Variants in AK3 observed in about 807,000 individuals in gnomAD.
AK3 encodes adenylate kinase 3, also known as GTP:AMP phosphotransferase AK3, mitochondrial.
In AK3, 27 loss-of-function variants were observed where a neutral mutation model predicts 23.7. The observed-to-expected ratio is 1.14, with a 90% confidence interval of 0.84 to 1.57. The LOEUF (loss-of-function observed/expected upper bound fraction) is 1.57. Ranked by LOEUF, AK3 falls within the 40% of genes most tolerant of loss-of-function variation. The pLI, the probability that AK3 is intolerant of heterozygous loss-of-function variation, is 0.00. For synonymous variants in AK3, 159 were observed against 116.0 expected, an observed-to-expected ratio of 1.37 and a Z score of -2.38; for missense variants, 406 against 285.6, an observed-to-expected ratio of 1.42 and a Z score of -3.04.
At chr9:4,725,535 G>C (rs565728645) in intron 1 of AK3, among the ~76,000 whole-genome samples, 66 of 152,112 alleles carry the variant, frequency 4.3e-4, no homozygotes, top group African/African-American at 1.6e-3. Context: ...TTGGGAGGCT[G>C]AGGTGGGCAG....
chr9:4,718,370 G>T, intron 4 of AK3, 49 bp downstream of exon 4: 1 of 1,381,682 alleles, frequency 7.2e-7, no homozygotes, highest in South Asian at 1.2e-5. Context: ...ATCAAAACTA[G>T]ACTTAGTGCA....
chr9:4,713,943 T>C (rs1415938384), intron 4 of AK3, among the ~76,000 whole-genome samples: 39 of 794 alleles, frequency 0.049, 2 homozygotes, highest in African/African-American at 0.15. Flanking sequence ...CACCTCCACA[T>C]ATACACGCCT....
chr9:4,741,274 T>TC, upstream of AK3: 3 of 535,768 alleles, frequency 5.6e-6, no homozygotes, highest in Non-Finnish European at 8.6e-6. Flanking sequence ...GACCCCGCTG[T>TC]TGCGTCCGCC....
At chr9:4,731,937 C>T (rs1842163603) in intron 1 of AK3, among the ~76,000 whole-genome samples, 1 of 152,002 alleles carries the variant, frequency 6.6e-6, no homozygotes, top group Non-Finnish European at 1.5e-5. Context: ...AACAGTAAAT[C>T]TATTTTCTTT....
At chr9:4,741,506 G>A (rs1446084440), upstream of AK3, among the ~76,000 whole-genome samples, 4 of 148,556 alleles carry the variant, frequency 2.7e-5, no homozygotes, top group African/African-American at 1.0e-4. Context: ...CTACCTCCGC[G>A]CCTCTCCGCG....
At chr9:4,716,805 C>T (rs747144924) in intron 4 of AK3, among the ~76,000 whole-genome samples, 2 of 152,210 alleles carry the variant, frequency 1.3e-5, no homozygotes, top group South Asian at 2.1e-4. Flanking sequence ...GTGGCACGGG[C>T]CTATAGTCCT....
At chr9:4,721,202 AG>A (rs1417926710) in intron 2 of AK3, among the ~76,000 whole-genome samples, 1 of 152,118 alleles carries the variant, frequency 6.6e-6, no homozygotes, top group Non-Finnish European at 1.5e-5. Flanking sequence ...CAGGAGTTTG[AG>A]ACCAGTCTGG....
chr9:4,714,893 G>T (rs368452217), intron 4 of AK3, among the ~76,000 whole-genome samples: 1 of 151,964 alleles, frequency 6.6e-6, no homozygotes, highest in Non-Finnish European at 1.5e-5. Context: ...GTCAAGTCTC[G>T]CTGAGTTCTA....
At chr9:4,738,151 C>G (rs1442641053) in intron 1 of AK3, among the ~76,000 whole-genome samples, 1 of 152,134 alleles carries the variant, frequency 6.6e-6, no homozygotes, top group Non-Finnish European at 1.5e-5. Flanking sequence ...AATAACTATA[C>G]AACTTTGATA....
chr9:4,732,367 T>A (rs1842174791), intron 1 of AK3, among the ~76,000 whole-genome samples: 1 of 152,342 alleles, frequency 6.6e-6, no homozygotes, highest in African/African-American at 2.4e-5. Context: ...GTAAGGCTCC[T>A]GGTCAACAGT....
At chr9:4,721,223 T>C (rs1217559695) in intron 2 of AK3, among the ~76,000 whole-genome samples, 1 of 151,866 alleles carries the variant, frequency 6.6e-6, no homozygotes, top group Non-Finnish European at 1.5e-5. Context: ...GCCAACATAG[T>C]GAAACCCTAT....
At chr9:4,722,732 G>A in intron 1 of AK3, 107 bp from the exon 2 acceptor site, 1 of 1,482,114 alleles carries the variant, frequency 6.7e-7, no homozygotes, top group South Asian at 1.3e-5. Flanking sequence ...ATACTCATCT[G>A]AAAATGTGCA....
chr9:4,712,827 C>T lies in AK3; in HGVS notation c.*149G>A, dbSNP rs950197300. Reference sequence around the variant, plus strand: ...TAGTATCCGAATCATTTGGCACATCCTTAGTATCCAAAATAAAATCAGTAG... The same window carrying T: ...TAGTATCCGAATCATTTGGCACATCTTTAGTATCCAAAATAAAATCAGTAG... On this transcript the variant is annotated 3_prime_UTR_variant, in exon 5 of 5. Transcript: ENST00000381809. 10 of 863,948 alleles carry T rather than the reference C, an allele frequency of 1.2e-5. No homozygotes were observed. The highest frequency in any genetic ancestry group is 1.7e-5 in the Non-Finnish European group (10 of 596,246). The allele number at this position is 863,948 out of a possible 1,614,324, so 53.5% of individuals were successfully genotyped here. A position where few individuals can be genotyped will look rare whatever the true frequency, so the allele number is the denominator to read the frequency against.
At chr9:4,722,697 T>C in intron 1 of AK3, 72 bp from the exon 2 acceptor site, 1 of 1,594,294 alleles carries the variant, frequency 6.3e-7, no homozygotes, top group Non-Finnish European at 8.6e-7. Context: ...CGGAACGAGT[T>C]GCCTAAAGGG....
At chr9:4,714,795 T>A (rs570786006) in intron 4 of AK3, among the ~76,000 whole-genome samples, 13 of 152,324 alleles carry the variant, frequency 8.5e-5, no homozygotes, top group African/African-American at 2.6e-4. Flanking sequence ...AGGTTTTTTT[T>A]AAAACAACCA....
chr9:4,733,406 T>C (rs142546323), intron 1 of AK3, among the ~76,000 whole-genome samples: 75 of 152,308 alleles, frequency 4.9e-4, no homozygotes, highest in Admixed American at 1.2e-3. Flanking sequence ...AGGAAGGAGA[T>C]GTGCATGGAA....
At position 4,712,375 on chromosome 9, in the gene AK3, C is replaced by T. The variant is rs1427496805; in HGVS notation, c.*601G>A. On this transcript the variant is annotated 3_prime_UTR_variant, in exon 5 of 5. Transcript: ENST00000381809. Reference sequence around the variant, plus strand: ...ACATCTTTATAGCAAATTGAAAATTCTGAGTAAACTGAAAGTATGCTTAAC... The same window carrying T: ...ACATCTTTATAGCAAATTGAAAATTTTGAGTAAACTGAAAGTATGCTTAAC... The T allele has an allele frequency of 6.6e-6, 1 of 152,100 alleles. No individual in the cohort carries two copies. Among genetic ancestry groups the T allele is most frequent in the Admixed American group, 6.6e-5 (1 of 15,260 alleles). 9.4% of individuals were successfully genotyped at this position (152,100 alleles called of 1,614,324 possible).
chr9:4,712,362 C>T lies in AK3; in HGVS notation c.*614G>A, dbSNP rs894477656. ...TATGCTAATTGATACATCTTTATAG[C>T]AAATTGAAAATTCTGAGTAAACTGA... On this transcript the variant is annotated 3_prime_UTR_variant, in exon 5 of 5. Coordinates refer to ENST00000381809, the MANE Select transcript of AK3 (RefSeq NM_016282.4). The T allele has an allele frequency of 6.6e-6, 1 of 152,034 alleles. No individual in the cohort carries two copies. The highest frequency in any genetic ancestry group is 1.5e-5 in the Non-Finnish European group (1 of 67,988). 9.4% of individuals were successfully genotyped at this position (152,034 alleles called of 1,614,324 possible).
At chr9:4,737,399 T>A (rs1787854405) in intron 1 of AK3, among the ~76,000 whole-genome samples, 1 of 152,058 alleles carries the variant, frequency 6.6e-6, no homozygotes, top group Non-Finnish European at 1.5e-5. Context: ...TTCACCCTAA[T>A]CCCCCAATAA....
Sources: allele counts gnomAD v4.1 joint callset (sites outside exome capture counted in the v4.1 genomes callset), GRCh38; gene constraint gnomAD v4.1.1; transcripts MANE v1.5; gene names NCBI Gene and HGNC (gene_info 2026-07-23, HGNC 2026-07-21).